UBA6: variants seen among roughly 807,000 people sequenced by gnomAD.
The protein encoded by UBA6 is ubiquitin like modifier activating enzyme 6, also known as ubiquitin-like modifier-activating enzyme 6.
In UBA6, 87 loss-of-function variants were observed where a neutral mutation model predicts 148.3. The ratio of observed to expected loss-of-function variants is 0.59; its 90% CI spans 0.49 to 0.70. The LOEUF (loss-of-function observed/expected upper bound fraction) is 0.70, where lower values mean the gene tolerates loss of function less well. UBA6 is among the 30% of genes least tolerant of loss of function. The pLI is 0.00. For missense variants in UBA6, 1,186 were observed against 1,241.2 expected, an observed-to-expected ratio of 0.96 and a Z score of 0.67; for synonymous variants, 376 against 401.0, an observed-to-expected ratio of 0.94 and a Z score of 0.75.
intron 12 of UBA6, chr4:67,662,581 A>G: frequency 4.5e-6 from 1 of 220,940 alleles, no homozygotes; most frequent in South Asian, 1.4e-4. Flanking sequence ...CTTGTGCCTC[A>G]GCCTCCCAAG....
chr4:67,678,409 A>C (rs1212749972), intron 5 of UBA6, 30 bp downstream of exon 5: 2 of 1,381,548 alleles, frequency 1.4e-6, no homozygotes, highest in Non-Finnish European at 2.0e-6. Flanking sequence ...ATTTAAAAAA[A>C]CTCATGATAA....
At chr4:67,681,638 A>C in intron 3 of UBA6, 47 bp from the exon 4 acceptor site, 2 of 1,341,378 alleles carry the variant, frequency 1.5e-6, no homozygotes, top group Non-Finnish European at 2.1e-6. Context: ...GGGAATACAC[A>C]CTAGATATGT....
chr4:67,694,866 A>G (rs1730795020), intron 2 of UBA6, among the ~76,000 whole-genome samples: 1 of 152,236 alleles, frequency 6.6e-6, no homozygotes, highest in Admixed American at 6.5e-5. Context: ...GTAAACAACT[A>G]GATGTTTGCA....
chr4:67,662,995 A>G, intron 12 of UBA6, 144 bp downstream of exon 12: 1 of 490,128 alleles, frequency 2.0e-6, no homozygotes, highest in Non-Finnish European at 3.5e-6. Flanking sequence ...GAAAAGGACC[A>G]GAAAGTCATA....
At chr4:67,657,826 C>CAAAAAAAAAA (rs57984969) in intron 13 of UBA6, among the ~76,000 whole-genome samples, 3 of 115,150 alleles carry the variant, frequency 2.6e-5, no homozygotes, top group East Asian at 2.5e-4. Context: ...AACAAATTTA[C>CAAAAAAAAAA]AAAAAAAAAA....
In UBA6 at chr4:67,646,726, T is replaced by C; in HGVS notation, c.1314A>G (p.Pro438=). Residue 438 remains proline (P), a splice_region_variant and synonymous_variant, in exon 15 of 33, where the codon CCA becomes CCG. Coordinates refer to ENST00000322244, the MANE Select transcript of UBA6 (RefSeq NM_018227.6). ...AGCAAGAGAAATTTCATTATTACCG[T>C]GGGAGAAATTCTTCACATTCAGGTT... ...LGKPECEEFL[P]RGDRYDALRA... 6.2e-7 allele frequency: 1 copy of C among 1,603,320 alleles called. No homozygotes were observed. The highest frequency in any genetic ancestry group is 8.5e-7 in the Non-Finnish European group (1 of 1,174,782).
chr4:67,700,619 T>C (rs905736883), intron 1 of UBA6, among the ~76,000 whole-genome samples: 3 of 151,818 alleles, frequency 2.0e-5, no homozygotes, highest in South Asian at 2.1e-4. Context: ...CTTCTGGTAA[T>C]AGTTTTCAAA....
rs1379137364 is a variant in UBA6 at position 67,626,390 on chromosome 4, T to C, written c.2488A>G (p.Lys830Glu). The C allele has an allele frequency of 1.2e-6, 2 of 1,611,088 alleles. No homozygotes were observed. The highest frequency in any genetic ancestry group is 2.2e-5 in the South Asian group (2 of 90,954). The change falls in exon 28 of 33, where the codon AAG (lysine) becomes GAG (glutamate). Residue 830 changes from lysine (K) to glutamate (E), a missense_variant. Coordinates refer to ENST00000322244, the MANE Select transcript of UBA6 (RefSeq NM_018227.6). ...GTGGCTTCATTAGATAAAATAGCCT[T>C]TTCTAGTTGGAAAATTGCATTCCTC... is the stretch of plus-strand genomic sequence containing the variant. Reference protein sequence around the residue: ...DERNAIFQLEKAILSNEATKS... With the variant: ...DERNAIFQLEEAILSNEATKS...
intron 1 of UBA6, among the ~76,000 whole-genome samples, chr4:67,697,082 T>C (rs991574441): frequency 1.3e-5 from 2 of 152,184 alleles, no homozygotes; most frequent in African/African-American, 4.8e-5. Flanking sequence ...CTTGGCTTAC[T>C]GCAACGTCCA....
chr4:67,617,119 G>A lies in UBA6; in HGVS notation c.*1878C>T, dbSNP rs1728643291. On this transcript the variant is annotated 3_prime_UTR_variant, in exon 33 of 33. Coordinates refer to ENST00000322244, the MANE Select transcript of UBA6 (RefSeq NM_018227.6). The stretch of plus-strand genomic sequence containing the variant: ...CTAAAACACTAATATCTATAAATAT[G>A]AACTGACAGCATCGTTCTAAATTTA... 1 of 152,068 alleles carries A rather than the reference G, an allele frequency of 6.6e-6. No individual in the cohort carries two copies. The highest frequency in any genetic ancestry group is 6.5e-5 in the Admixed American group (1 of 15,272). 9.4% of individuals were successfully genotyped at this position (152,068 alleles called of 1,614,324 possible). A position where few individuals can be genotyped will look rare whatever the true frequency, so the allele number is the denominator to read the frequency against.
chr4:67,681,972 T>A, intron 3 of UBA6, 147 bp downstream of exon 3: 1 of 644,238 alleles, frequency 1.6e-6, no homozygotes, highest in South Asian at 2.1e-5. Flanking sequence ...CATCACGAAA[T>A]AGTCTTGACA....
chr4:67,684,209 G>A (rs1033941139), intron 2 of UBA6, among the ~76,000 whole-genome samples: 4 of 152,200 alleles, frequency 2.6e-5, no homozygotes, highest in African/African-American at 9.6e-5. Flanking sequence ...CTTTAGAAGG[G>A]CATGCTTACA....
rs1235488616 is a variant in UBA6 at position 67,662,209 on chromosome 4, T to A, written c.1084A>T (p.Ser362Cys). ...EELLKLATSI[S>C]ETLEEKPDVN... ...GTCACCTTCTCTTCCAAGGTTTCAC[T>A]TATAGATGTTGCTAGTTTCAACAGT... The change falls in exon 13 of 33, where the codon AGT becomes TGT. Residue 362 changes from serine (S) to cysteine (C), a missense_variant. By Grantham distance (112) the Ser-to-Cys change is moderately radical. Coordinates refer to ENST00000322244, the MANE Select transcript of UBA6 (RefSeq NM_018227.6). The A allele has an allele frequency of 6.2e-7, 1 of 1,613,680 alleles. No individual in the cohort carries two copies. The highest frequency in any genetic ancestry group is 8.5e-7 in the Non-Finnish European group (1 of 1,179,836).
In UBA6 at chr4:67,634,450, G is replaced by C. The variant is rs761878934; in HGVS notation, c.1911C>G (p.Thr637=). The C allele has an allele frequency of 5.0e-6, 8 of 1,588,574 alleles. No homozygotes were observed. The highest frequency in any genetic ancestry group is 6.8e-6 in the Non-Finnish European group (8 of 1,173,228). The change falls in exon 21 of 33, where the codon ACC becomes ACG. Residue 637 remains threonine, a synonymous_variant. Coordinates refer to ENST00000322244, the MANE Select transcript of UBA6 (RefSeq NM_018227.6). ...LKSFPAAIEH[T]IQWARDKFES... ...TTACCTTATCTCTTGCCCACTGTAT[G>C]GTATGTTCAATAGCAGCTGGAAAGG... is the stretch of plus-strand genomic sequence containing the variant.
At chr4:67,675,144 T>C (rs978356358) in intron 6 of UBA6, among the ~76,000 whole-genome samples, 8 of 152,182 alleles carry the variant, frequency 5.3e-5, no homozygotes, top group African/African-American at 1.9e-4. Flanking sequence ...GCTGGGATAT[T>C]TTCTTTATTT....
intron 9 of UBA6, among the ~76,000 whole-genome samples, chr4:67,667,454 C>T (rs187070241): frequency 2.6e-5 from 4 of 152,012 alleles, no homozygotes; most frequent in Admixed American, 6.5e-5. Context: ...AATATAGATT[C>T]AAAGTTATCT....
At chr4:67,619,170 T>G in intron 32 of UBA6, 38 bp from the exon 33 acceptor site, 1 of 1,522,816 alleles carries the variant, frequency 6.6e-7, no homozygotes, top group Non-Finnish European at 9.0e-7. Flanking sequence ...TTTGGTAAAT[T>G]CTATAAAATG....
intron 13 of UBA6, among the ~76,000 whole-genome samples, chr4:67,659,701 T>C (rs1206098295): frequency 4.0e-5 from 4 of 98,844 alleles, no homozygotes; most frequent in South Asian, 2.9e-4. Context: ...CTGTAGAGAG[T>C]GGGGTGCTGA....
chr4:67,685,213 C>T (rs1421991578), intron 2 of UBA6, among the ~76,000 whole-genome samples: 8 of 152,096 alleles, frequency 5.3e-5, no homozygotes, highest in Middle Eastern at 3.2e-3. Context: ...CTAAATAACA[C>T]GTGTATACTT....
Sources: gnomAD v4.1 joint callset for allele counts (sites outside exome capture counted in the v4.1 genomes callset) on GRCh38, gnomAD v4.1.1 for gene constraint, MANE v1.5 for transcripts, NCBI Gene and HGNC (gene_info 2026-07-23, HGNC 2026-07-21) for gene names.